The following LINC00632 variants were observed in gnomAD, a reference collection of about 807,000 sequenced individuals.
The protein encoded by LINC00632 is long independently transcribed non-coding RNA 632, also known as ALDOA related specific transcript.
At chrX:140,713,579 T>G in intron 2 of LINC00632, 1 of 342,692 alleles carries the variant, frequency 2.9e-6, no homozygotes. Context: ...CACCCTTTAA[T>G]GCACACACTG....
At chrX:140,766,290 C>T (rs182781386) in intron 3 of LINC00632, among the ~76,000 whole-genome samples, 78 of 111,857 alleles carry the variant, frequency 7.0e-4, no homozygotes, top group African/African-American at 1.9e-3. Context: ...AAAAAACTTC[C>T]ATCCAGTAAG....
chrX:140,789,605 C>CT (rs1290402286), exon 5 of LINC00632, among the ~76,000 whole-genome samples: 21 of 112,144 alleles, frequency 1.9e-4, no homozygotes, highest in African/African-American at 5.1e-4. Context: ...AATTGCCCTC[C>CT]TGGCATGCTG....
intron 3 of LINC00632, among the ~76,000 whole-genome samples, chrX:140,735,770 T>C (rs1931134647): frequency 9.0e-6 from 1 of 110,954 alleles, no homozygotes; most frequent in Non-Finnish European, 1.9e-5. Flanking sequence ...TTTTCCATGT[T>C]TGTCAGGCTG....
At chrX:140,771,685 A>ATT (rs1265088053) in intron 3 of LINC00632, among the ~76,000 whole-genome samples, 136 of 61,611 alleles carry the variant, frequency 2.2e-3, no homozygotes, top group African/African-American at 8.5e-3. Context: ...ATATATATAT[A>ATT]TTTTTTTTTT....
chrX:140,725,150 AAC>A (rs1394336130), intron 2 of LINC00632, among the ~76,000 whole-genome samples: 1 of 7,359 alleles, frequency 1.4e-4, no homozygotes, highest in African/African-American at 5.3e-4. Flanking sequence ...ATTGCATACC[AAC>A]ACACACACAT....
chrX:140,711,616 C>T (rs775856259), intron 1 of LINC00632: 173 of 314,464 alleles, frequency 5.5e-4, no homozygotes, highest in African/African-American at 3.7e-3. Context: ...GTTTTTTCTC[C>T]CTAGGAAAAA....
intron 3 of LINC00632, among the ~76,000 whole-genome samples, chrX:140,756,277 G>C (rs1450685812): frequency 8.9e-6 from 1 of 112,049 alleles, no homozygotes. Context: ...AATCACATTT[G>C]AATGAAACTT....
At chrX:140,723,040 C>A (rs868668738) in intron 2 of LINC00632, among the ~76,000 whole-genome samples, 26 of 87,022 alleles carry the variant, frequency 3.0e-4, no homozygotes, top group Non-Finnish European at 3.1e-4. Context: ...AACTCCATCT[C>A]AAAAAAAAAA....
chrX:140,737,162 A>G (rs1327430660), intron 3 of LINC00632, among the ~76,000 whole-genome samples: 1 of 110,919 alleles, frequency 9.0e-6, no homozygotes, highest in African/African-American at 3.3e-5. Context: ...GGCCTCCCAA[A>G]GTGCTGGCAT....
intron 3 of LINC00632, among the ~76,000 whole-genome samples, chrX:140,739,735 C>T (rs1292055600): frequency 9.1e-6 from 1 of 110,223 alleles, no homozygotes; most frequent in African/African-American, 3.3e-5. Context: ...ACAATGTCTA[C>T]CCCTATTCAA....
At chrX:140,767,727 A>AT (rs1931716212) in intron 3 of LINC00632, among the ~76,000 whole-genome samples, 1 of 111,871 alleles carries the variant, frequency 8.9e-6, no homozygotes, top group African/African-American at 3.3e-5. Flanking sequence ...AGATAGATAG[A>AT]GGAGAGGGGA....
intron 3 of LINC00632, among the ~76,000 whole-genome samples, chrX:140,742,491 A>G (rs1355040042): frequency 9.0e-6 from 1 of 111,458 alleles, no homozygotes; most frequent in African/African-American, 3.3e-5. Context: ...AAAAGCGGAC[A>G]GAAACACTTT....
intron 3 of LINC00632, among the ~76,000 whole-genome samples, chrX:140,741,175 A>G (rs760085244): frequency 9.8e-5 from 11 of 112,342 alleles, no homozygotes; most frequent in Admixed American, 1.9e-4. Flanking sequence ...GTACATTGTG[A>G]CCTGCAACAG....
chrX:140,778,736 G>T (rs1931903248), exon 5 of LINC00632, among the ~76,000 whole-genome samples: 1 of 110,514 alleles, frequency 9.0e-6, no homozygotes, highest in African/African-American at 3.3e-5. Flanking sequence ...AAATTGAATT[G>T]CATCAACTAG....
At chrX:140,729,254 C>T (rs752072088) in intron 2 of LINC00632, among the ~76,000 whole-genome samples, 1 of 110,142 alleles carries the variant, frequency 9.1e-6, no homozygotes, top group Non-Finnish European at 1.9e-5. Context: ...CACCTCATAT[C>T]ACATCGAGAA....
At chrX:140,772,177 C>T (rs1396639580) in exon 4 of LINC00632, 3 of 294,006 alleles carry the variant, frequency 1.0e-5, no homozygotes, top group East Asian at 4.8e-5. Flanking sequence ...ATTTGAGTTT[C>T]CCTAAGTCCG....
chrX:140,742,616 A>G (rs1931241126), intron 3 of LINC00632, among the ~76,000 whole-genome samples: 1 of 110,806 alleles, frequency 9.0e-6, no homozygotes, highest in South Asian at 3.8e-4. Flanking sequence ...ACATAAAAAA[A>G]ATCAAACTAC....
rs866739038 is a variant in LINC00632, at chrX:140,716,780, T to C, written n.104+5124T>C. Among the ~76,000 whole-genome samples, 19 of 89,804 alleles carry C rather than the reference T, an allele frequency of 2.1e-4. No individual in the cohort carries two copies. In the East Asian group the frequency reaches 2.2e-3, roughly 10 times the overall value. 78.0% of individuals were successfully genotyped at this position (89,804 alleles called of 115,157 possible). ...CCCCACAAGGCACAGGCCCACAACA[T>C]ACACACACACACACACACACACACA... On this transcript the variant is annotated intron_variant and non_coding_transcript_variant, in intron 2 of 4. Transcript: ENST00000648200.
intron 2 of LINC00632, chrX:140,714,912 C>T (rs1930597944): frequency 9.1e-6 from 1 of 110,417 alleles, no homozygotes; most frequent in Admixed American, 9.7e-5. Context: ...CACTCATTTG[C>T]CCTAAAATAT....
Sources: allele counts gnomAD v4.1 joint callset (sites outside exome capture counted in the v4.1 genomes callset), GRCh38; gene constraint gnomAD v4.1.1; transcripts MANE v1.5; gene names NCBI Gene and HGNC (gene_info 2026-07-23, HGNC 2026-07-21).